Variants in CDH4 observed in about 807,000 individuals in gnomAD.
CDH4 encodes the protein cadherin-4.
A neutral mutation model predicts 86.0 loss-of-function variants in CDH4; 33 were observed. The observed-to-expected ratio is 0.38, with a 90% CI of 0.29 to 0.51. The LOEUF (loss-of-function observed/expected upper bound fraction) is 0.51. Ranked by LOEUF, CDH4 falls within the 20% of genes least tolerant of loss-of-function variation. The pLI, the probability that CDH4 is intolerant of heterozygous loss-of-function variation, is 0.86. For missense variants in CDH4, 1,114 were observed against 1,307.4 expected, an observed-to-expected ratio of 0.85 and a Z score of 2.28; for synonymous variants, 555 against 549.4, an observed-to-expected ratio of 1.01 and a Z score of -0.14.
At chr20:61,370,893 CG>C (rs2123334828) in intron 2 of CDH4, 1 of 152,360 alleles carries the variant, frequency 6.6e-6, no homozygotes, top group African/African-American at 2.4e-5. Context: ...TTGTGAGGAG[CG>C]GAATGGTGCC....
At chr20:61,307,660 G>A (rs1265912009) in intron 2 of CDH4, among the ~76,000 whole-genome samples, 1 of 152,232 alleles carries the variant, frequency 6.6e-6, no homozygotes, top group Non-Finnish European at 1.5e-5. Flanking sequence ...ATGCTGATTG[G>A]CTGGATATTG....
chr20:61,579,031 C>T (rs1033276767), intron 2 of CDH4, among the ~76,000 whole-genome samples: 7 of 152,112 alleles, frequency 4.6e-5, no homozygotes, highest in Admixed American at 6.6e-5. Flanking sequence ...GATGAGCAGC[C>T]GTGATCATCC....
chr20:61,886,983 T>TGGAG (rs1243824629), intron 7 of CDH4, among the ~76,000 whole-genome samples: 3 of 151,994 alleles, frequency 2.0e-5, no homozygotes, highest in Admixed American at 2.0e-4. Context: ...TAGATAAATG[T>TGGAG]GTCGAAACCT....
chr20:61,920,380 CGTG>C (rs1388959103), intron 9 of CDH4, among the ~76,000 whole-genome samples: 10 of 60,404 alleles, frequency 1.7e-4, no homozygotes, highest in East Asian at 6.0e-4. Context: ...TGATTGGAAG[CGTG>C]GTGTCGCGGT....
chr20:61,312,963 C>T (rs1412409512), intron 2 of CDH4, among the ~76,000 whole-genome samples: 5 of 152,164 alleles, frequency 3.3e-5, no homozygotes, highest in Admixed American at 2.0e-4. Context: ...CTTTCCTACC[C>T]CCTCACTGCC....
In CDH4 at chr20:61,684,888, C is replaced by T. The variant is rs1437907194; in HGVS notation, c.170-58675C>T. On this transcript the variant is annotated intron_variant, in intron 2 of 15. Coordinates refer to ENST00000614565, the MANE Select transcript of CDH4 (RefSeq NM_001794.5). The surrounding 1 kb of genome is among the most constrained non-coding windows in gnomAD (Gnocchi z 4.5). ...TATTTGCTCACTCTATTTCTAACCACGTTATTAAGATATAAAAACTTACCG... is the reference window on the plus strand; with the variant it reads ...TATTTGCTCACTCTATTTCTAACCATGTTATTAAGATATAAAAACTTACCG... Among the ~76,000 whole-genome samples, 6 of 152,018 alleles carry T rather than the reference C, an allele frequency of 3.9e-5. No individual in the cohort carries two copies. The highest frequency in any genetic ancestry group is 1.9e-4 in the East Asian group (1 of 5,192).
chr20:61,280,302 G>T (rs2123160641), intron 2 of CDH4, among the ~76,000 whole-genome samples: 1 of 152,334 alleles, frequency 6.6e-6, no homozygotes, highest in Admixed American at 6.5e-5. Context: ...TGGAAAGAGA[G>T]GATGTGAACT....
At chr20:61,295,513 G>A (rs1238053725) in intron 2 of CDH4, among the ~76,000 whole-genome samples, 1 of 152,178 alleles carries the variant, frequency 6.6e-6, no homozygotes, top group Non-Finnish European at 1.5e-5. Context: ...GTAATCAGTA[G>A]CAATGGCCGC....
At chr20:61,782,221 A>G (rs1978585030) in intron 4 of CDH4, among the ~76,000 whole-genome samples, 1 of 152,206 alleles carries the variant, frequency 6.6e-6, no homozygotes, top group African/African-American at 2.4e-5. Context: ...AGGTGGGACA[A>G]TCGCTCGAAC....
At chr20:61,927,823 C>T (rs569197879) in intron 11 of CDH4, among the ~76,000 whole-genome samples, 7 of 152,164 alleles carry the variant, frequency 4.6e-5, no homozygotes, top group Non-Finnish European at 1.0e-4. Context: ...TGCGTGTGTG[C>T]AGGTGTGGGT....
intron 2 of CDH4, among the ~76,000 whole-genome samples, chr20:61,632,394 C>T (rs1341137945): frequency 5.3e-5 from 8 of 152,160 alleles, no homozygotes; most frequent in East Asian, 3.9e-4. Flanking sequence ...ACAGTGTCAC[C>T]GATCCTTCCA....
intron 8 of CDH4, among the ~76,000 whole-genome samples, chr20:61,900,348 G>A: frequency 1.4e-5 from 1 of 70,558 alleles, no homozygotes; most frequent in Non-Finnish European, 4.0e-5. Flanking sequence ...GCCGCACAGT[G>A]CAAGCCTCGG....
At chr20:61,625,311 T>C (rs2086820770) in intron 2 of CDH4, among the ~76,000 whole-genome samples, 1 of 152,202 alleles carries the variant, frequency 6.6e-6, no homozygotes, top group Non-Finnish European at 1.5e-5. Context: ...AATTAGTATA[T>C]TCATTCAACA....
chr20:61,419,280 T>C (rs1431779506), intron 2 of CDH4, among the ~76,000 whole-genome samples: 1 of 152,178 alleles, frequency 6.6e-6, no homozygotes, highest in Admixed American at 6.5e-5. Context: ...GGTTCTTGTC[T>C]CTGCTCATCA....
intron 2 of CDH4, among the ~76,000 whole-genome samples, chr20:61,650,380 G>T (rs530240097): frequency 2.6e-5 from 4 of 152,294 alleles, no homozygotes; most frequent in Non-Finnish European, 5.9e-5. Flanking sequence ...ATACTTACTT[G>T]TGGAATAAAT....
At chr20:61,473,095 A>G (rs2085514923) in intron 2 of CDH4, among the ~76,000 whole-genome samples, 1 of 152,168 alleles carries the variant, frequency 6.6e-6, no homozygotes, top group African/African-American at 2.4e-5. Context: ...ATTTCAAGCT[A>G]CCAACATTAC....
chr20:61,333,684 G>A (rs1364418630), intron 2 of CDH4, among the ~76,000 whole-genome samples: 1 of 152,244 alleles, frequency 6.6e-6, no homozygotes, highest in Non-Finnish European at 1.5e-5. Flanking sequence ...CTTTACCAAA[G>A]GCTGCACAGG....
intron 2 of CDH4, among the ~76,000 whole-genome samples, chr20:61,478,853 C>T (rs1017278614): frequency 6.6e-6 from 1 of 152,224 alleles, no homozygotes; most frequent in Non-Finnish European, 1.5e-5. Flanking sequence ...CTGGCTGTAT[C>T]ACCCTCTGCC....
intron 2 of CDH4, among the ~76,000 whole-genome samples, chr20:61,553,281 G>C (rs1012115331): frequency 2.6e-5 from 4 of 152,210 alleles, no homozygotes; most frequent in Non-Finnish European, 5.9e-5. Context: ...AGAATAAGGA[G>C]AAGGGGAAAA....
Sources: gnomAD v4.1 joint callset for allele counts (sites outside exome capture counted in the v4.1 genomes callset) on GRCh38, gnomAD v4.1.1 for gene constraint, Gnocchi (gnomAD v3.1) non-coding constraint, MANE v1.5 for transcripts, NCBI Gene and HGNC (gene_info 2026-07-23, HGNC 2026-07-21) for gene names.